The following BHLHE40 variants were observed in gnomAD, a reference collection of about 807,000 sequenced individuals.
BHLHE40 encodes the protein basic helix-loop-helix family member e40, also known as class E basic helix-loop-helix protein 40.
BHLHE40 carries 3 observed loss-of-function variants against 35.7 expected under a neutral mutation model. The observed-to-expected ratio is 0.08, with a 90% CI of 0.04 to 0.22. The LOEUF (loss-of-function observed/expected upper bound fraction) is 0.22, where lower values mean the gene tolerates loss of function less well. Ranked by LOEUF, BHLHE40 falls within the 10% of genes least tolerant of loss-of-function variation. The pLI is 1.00. For synonymous variants in BHLHE40, 236 were observed against 213.0 expected, an observed-to-expected ratio of 1.11 and a Z score of -0.94; for missense variants, 486 against 524.0, an observed-to-expected ratio of 0.93 and a Z score of 0.71.
Position 4,983,631 on chromosome 3 carries a change from C to A in BHLHE40, c.1178C>A (p.Ser393Tyr). Residue 393 changes from serine (S) to tyrosine (Y), a missense_variant, in exon 5 of 5, where the codon TCT (serine) becomes TAT (tyrosine). Physicochemically the swap from Ser to Tyr is moderately radical, Grantham distance 144. Coordinates refer to ENST00000256495, the MANE Select transcript of BHLHE40 (RefSeq NM_003670.3). The surrounding 1 kb of genome is among the most constrained non-coding windows in gnomAD (Gnocchi z 5.0). ...TTGCCAGCTCATCCGTCCGTCGACT[C>A]TTCTGTCTTGCTCCAAGCTCTGAAG... ...SPLPAHPSVD[S>Y]SVLLQALKPI... 1 of 1,614,176 alleles carries A rather than the reference C, an allele frequency of 6.2e-7. No homozygotes were observed. The highest frequency in any genetic ancestry group is 8.5e-7 in the Non-Finnish European group (1 of 1,180,036).
chr3:4,982,767 T>G, intron 4 of BHLHE40, 69 bp from the exon 5 acceptor site: 12 of 1,569,912 alleles, frequency 7.6e-6, no homozygotes, highest in Non-Finnish European at 1.0e-5. Context: ...ACCTGGTTTT[T>G]TGGAGTATAG....
In BHLHE40 at chr3:4,981,530, T is replaced by C; in HGVS notation, c.382+15T>C. 6.2e-7 allele frequency: 1 copy of C among 1,613,332 alleles called. No homozygotes were observed. The highest frequency in any genetic ancestry group is 1.1e-5 in the South Asian group (1 of 90,950). The stretch of plus-strand genomic sequence containing the variant: ...TTTACAAGCTGGTGAGTGCTGATTC[T>C]GGCTATGCTCTCTTTAAGAGTTTGA... On this transcript the variant is annotated intron_variant, in intron 4 of 4. Coordinates refer to ENST00000256495, the MANE Select transcript of BHLHE40 (RefSeq NM_003670.3).
In BHLHE40 at chr3:4,983,324, C is replaced by G; in HGVS notation, c.871C>G (p.Arg291Gly). The G allele has an allele frequency of 6.2e-7, 1 of 1,614,152 alleles. No individual in the cohort carries two copies. Among genetic ancestry groups the G allele is most frequent in the Non-Finnish European group, 8.5e-7 (1 of 1,180,028 alleles). The stretch of plus-strand genomic sequence containing the variant: ...CGAAGAACCCCCCACAAAAAAGAAC[C>G]GGATGCAGCTTTCGGATGATGAAGG... ...ESEEPPTKKNRMQLSDDEGHF... is the reference protein window; with the variant it reads ...ESEEPPTKKNGMQLSDDEGHF... Residue 291 changes from arginine (R) to glycine (G), a missense_variant, in exon 5 of 5, where the codon CGG becomes GGG. Arg to Gly is a moderately radical substitution (Grantham distance 125). Transcript: ENST00000256495. This position sits in a 1 kb window ranked among gnomAD's most constrained non-coding sequence, Gnocchi z 5.0.
Sources: gnomAD v4.1 joint callset for allele counts on GRCh38, gnomAD v4.1.1 for gene constraint, Gnocchi (gnomAD v3.1) non-coding constraint, MANE v1.5 for transcripts, NCBI Gene and HGNC (gene_info 2026-07-23, HGNC 2026-07-21) for gene names.